The following CTNNA3 variants were observed in gnomAD, a reference collection of about 807,000 sequenced individuals.
The protein encoded by CTNNA3 is catenin alpha 3.
Under a neutral mutation model 95.7 loss-of-function variants are expected in CTNNA3, and 76 were observed. The observed-to-expected ratio is 0.79, with a 90% CI of 0.66 to 0.96. CTNNA3 has a LOEUF of 0.96. CTNNA3 is among the 40% of genes least tolerant of loss of function. The pLI is 0.00. For missense variants in CTNNA3, 1,191 were observed against 1,089.8 expected (o/e 1.09, Z -1.31); for synonymous variants, 431 against 374.4 (o/e 1.15, Z -1.74).
chr10:65,966,517 T>C (rs1452383756), intron 17 of CTNNA3, 95 bp downstream of exon 17: 4 of 1,092,174 alleles, frequency 3.7e-6, no homozygotes, highest in Admixed American at 2.8e-5. Context: ...CTAAACTAAT[T>C]TTACCTAAAA....
At chr10:66,428,622 T>C (rs1208732190) in intron 11 of CTNNA3, among the ~76,000 whole-genome samples, 1 of 147,666 alleles carries the variant, frequency 6.8e-6, no homozygotes, top group African/African-American at 2.5e-5. Flanking sequence ...CTCAACTACA[T>C]GGAAACTGAA....
chr10:67,188,313 T>C (rs1862958098), intron 6 of CTNNA3, among the ~76,000 whole-genome samples: 2 of 152,092 alleles, frequency 1.3e-5, no homozygotes, highest in Non-Finnish European at 1.5e-5. Context: ...CTGGGCAACA[T>C]AGTGAAACCC....
chr10:66,824,824 A>G (rs1480462240), intron 7 of CTNNA3, among the ~76,000 whole-genome samples: 1 of 152,192 alleles, frequency 6.6e-6, no homozygotes, highest in Non-Finnish European at 1.5e-5. Flanking sequence ...ACTAAATCCC[A>G]TAACGGGATC....
chr10:66,206,990 C>G (rs2087799455), intron 13 of CTNNA3, among the ~76,000 whole-genome samples: 1 of 151,864 alleles, frequency 6.6e-6, no homozygotes. Context: ...ATGGCAGTCT[C>G]TTGGCAGATA....
At chr10:66,463,373 G>A (rs1315414737) in intron 11 of CTNNA3, among the ~76,000 whole-genome samples, 1 of 152,144 alleles carries the variant, frequency 6.6e-6, no homozygotes, top group African/African-American at 2.4e-5. Flanking sequence ...ACAAGTGGGG[G>A]CAGCCTGAGG....
At chr10:66,198,678 TAA>T (rs1237708724) in intron 13 of CTNNA3, among the ~76,000 whole-genome samples, 2 of 149,762 alleles carry the variant, frequency 1.3e-5, no homozygotes, top group African/African-American at 2.5e-5. Context: ...CATTAATAAT[TAA>T]AGACTTAGCA....
chr10:65,926,889 A>G (rs1223833154), intron 17 of CTNNA3, among the ~76,000 whole-genome samples: 2 of 152,216 alleles, frequency 1.3e-5, no homozygotes, highest in African/African-American at 4.8e-5. Flanking sequence ...AATGAAGCTC[A>G]GCATATTCTC....
chr10:66,775,834 T>A (rs1014213786), intron 7 of CTNNA3, among the ~76,000 whole-genome samples: 4 of 152,208 alleles, frequency 2.6e-5, no homozygotes, highest in Non-Finnish European at 5.9e-5. Flanking sequence ...AAATCTTAAA[T>A]CACTAAGCAG....
At chr10:67,656,771 G>A (rs1482226736) in intron 1 of CTNNA3, among the ~76,000 whole-genome samples, 1 of 152,054 alleles carries the variant, frequency 6.6e-6, no homozygotes, top group African/African-American at 2.4e-5. Context: ...AGAAGCCTAA[G>A]GCAGAAAAGC....
chr10:66,556,889 A>G (rs1589419721), intron 10 of CTNNA3, among the ~76,000 whole-genome samples: 1 of 152,102 alleles, frequency 6.6e-6, no homozygotes, highest in Admixed American at 6.6e-5. Context: ...AGGAAAACCA[A>G]TGGTAACTAT....
intron 9 of CTNNA3, among the ~76,000 whole-genome samples, chr10:66,756,229 G>C (rs970881751): frequency 2.0e-5 from 3 of 152,096 alleles, no homozygotes; most frequent in African/African-American, 7.2e-5. Context: ...CAGGAAGAGA[G>C]ATCATTTGCA....
rs2076963655 is a variant in CTNNA3 at position 65,912,989 on chromosome 10, T to C, written c.*7341A>G. On this transcript the variant is annotated 3_prime_UTR_variant, in exon 18 of 18. Transcript: ENST00000433211. Reference sequence around the variant, plus strand: ...TCTGTCTCTGCAGAGCAGGGTGAAATGAACAAGCAAGATAGTCAGAAACAC... The same window carrying C: ...TCTGTCTCTGCAGAGCAGGGTGAAACGAACAAGCAAGATAGTCAGAAACAC... The C allele has an allele frequency of 6.6e-6, 1 of 152,084 alleles. No homozygotes were observed. The highest frequency in any genetic ancestry group is 1.9e-4 in the East Asian group (1 of 5,182). The allele number at this position is 152,084 out of a possible 1,614,324, so 9.4% of individuals were successfully genotyped here.
At chr10:67,576,922 A>G (rs1160777223) in intron 3 of CTNNA3, among the ~76,000 whole-genome samples, 1 of 122,360 alleles carries the variant, frequency 8.2e-6, no homozygotes, top group Non-Finnish European at 1.5e-5. Context: ...CATGGTGTAT[A>G]TGTGCCACAT....
intron 13 of CTNNA3, among the ~76,000 whole-genome samples, chr10:66,268,659 T>C (rs1373660153): frequency 1.3e-5 from 2 of 152,196 alleles, no homozygotes; most frequent in Admixed American, 1.3e-4. Flanking sequence ...TGACAAGGAA[T>C]GTTTATGTGT....
intron 5 of CTNNA3, among the ~76,000 whole-genome samples, chr10:67,506,546 C>G (rs188853143): frequency 6.6e-6 from 1 of 152,224 alleles, no homozygotes; most frequent in Non-Finnish European, 1.5e-5. Flanking sequence ...GGCTGCATGA[C>G]TGGTGTGTGC....
chr10:66,821,069 C>T (rs1842290229), intron 7 of CTNNA3, among the ~76,000 whole-genome samples: 1 of 151,916 alleles, frequency 6.6e-6, no homozygotes, highest in African/African-American at 2.4e-5. Context: ...TATGGATATA[C>T]CTGAAGCAAA....
chr10:66,871,963 A>G (rs956711440), intron 7 of CTNNA3, among the ~76,000 whole-genome samples: 1 of 152,226 alleles, frequency 6.6e-6, no homozygotes, highest in African/African-American at 2.4e-5. Context: ...CTATAGTATT[A>G]TCTATATTAG....
chr10:67,116,066 C>A (rs923831102), intron 7 of CTNNA3, among the ~76,000 whole-genome samples: 5 of 151,644 alleles, frequency 3.3e-5, no homozygotes, highest in African/African-American at 4.8e-5. Context: ...CAGCCAGATC[C>A]AACTAGATGA....
At chr10:66,176,964 A>C (rs2085745248) in intron 13 of CTNNA3, among the ~76,000 whole-genome samples, 1 of 152,084 alleles carries the variant, frequency 6.6e-6, no homozygotes, top group African/African-American at 2.4e-5. Context: ...TAAGGGAAAA[A>C]AAAAAGTGTT....
Sources: allele counts gnomAD v4.1 joint callset (sites outside exome capture counted in the v4.1 genomes callset), GRCh38; gene constraint gnomAD v4.1.1; transcripts MANE v1.5; gene names NCBI Gene and HGNC (gene_info 2026-07-23, HGNC 2026-07-21).